The following STAT5B variants were observed in gnomAD, a reference collection of about 807,000 sequenced individuals.
STAT5B encodes the protein transcription factor STAT5B.
Under a neutral mutation model 107.8 loss-of-function variants are expected in STAT5B, and 21 were observed. That is an observed-to-expected ratio of 0.19 (90% CI 0.14 to 0.28). STAT5B has a LOEUF of 0.28. STAT5B is among the 10% of genes least tolerant of loss of function. STAT5B has a pLI of 1.00. For missense variants in STAT5B, 565 were observed against 1,008.2 expected, an observed-to-expected ratio of 0.56 and a Z score of 5.95; for synonymous variants, 325 against 401.7, an observed-to-expected ratio of 0.81 and a Z score of 2.28.
the STAT5B span, among the ~76,000 whole-genome samples, chr17:42,281,879 G>C: frequency 6.6e-6 from 1 of 152,252 alleles, no homozygotes; most frequent in Non-Finnish European, 1.5e-5. Flanking sequence ...CGGACGCAGA[G>C]GAGGGAGCAG....
intron 3 of STAT5B, among the ~76,000 whole-genome samples, chr17:42,226,971 CA>C (rs1244458785): frequency 5.6e-4 from 69 of 123,194 alleles, no homozygotes; most frequent in Middle Eastern, 3.9e-3. Flanking sequence ...CTAAAAATAC[CA>C]AAAAAAAAAA....
In STAT5B at chr17:42,201,524, GCACACACACACACACACA is replaced by G. The variant is rs57573850; in HGVS notation, c.*196_*213del. 3.2e-6 allele frequency: 2 copies of G among 617,318 alleles called. No individual in the cohort carries two copies. The highest frequency in any genetic ancestry group is 5.9e-6 in the Non-Finnish European group (2 of 339,252). 38.2% of individuals were successfully genotyped at this position (617,318 alleles called of 1,614,324 possible). ...GAGAAACACCATAACGTGCAAACAC[GCACACACACACACACACA>G]CACACACACACAAACACATACTCGC... is the stretch of plus-strand genomic sequence containing the variant. On this transcript the variant is annotated 3_prime_UTR_variant, in exon 19 of 19. Coordinates refer to ENST00000293328, the MANE Select transcript of STAT5B (RefSeq NM_012448.4).
intron 1 of STAT5B, among the ~76,000 whole-genome samples, chr17:42,238,589 G>A (rs1044198524): frequency 6.6e-6 from 1 of 151,546 alleles, no homozygotes; most frequent in African/African-American, 2.4e-5. Flanking sequence ...AAGCAGCTGG[G>A]ATTACAGCTG....
chr17:42,261,485 A>G (rs983864149), intron 1 of STAT5B, among the ~76,000 whole-genome samples: 25 of 152,230 alleles, frequency 1.6e-4, no homozygotes, highest in Admixed American at 1.6e-3. Flanking sequence ...GCTTAAAATA[A>G]AATTCTGTTA....
intron 5 of STAT5B, among the ~76,000 whole-genome samples, chr17:42,222,574 C>T (rs2080239342): frequency 6.6e-6 from 1 of 152,132 alleles, no homozygotes; most frequent in South Asian, 2.1e-4. Flanking sequence ...TAGGGTCTTA[C>T]TATGTTGCCT....
intron 1 of STAT5B, among the ~76,000 whole-genome samples, chr17:42,250,382 CCACCCACA>C (rs1255895895): frequency 6.6e-6 from 1 of 152,080 alleles, no homozygotes; most frequent in Non-Finnish European, 1.5e-5. Context: ...TTAAATTAAG[CCACCCACA>C]CACCCACACT....
At chr17:42,209,803 C>G (rs1448908649) in intron 15 of STAT5B, among the ~76,000 whole-genome samples, 1 of 152,162 alleles carries the variant, frequency 6.6e-6, no homozygotes, top group Non-Finnish European at 1.5e-5. Context: ...ACTGTAAGAA[C>G]TCCAAATCAT....
intron 1 of STAT5B, among the ~76,000 whole-genome samples, chr17:42,241,871 G>C (rs996462046): frequency 1.3e-5 from 2 of 152,092 alleles, no homozygotes; most frequent in African/African-American, 4.8e-5. Context: ...GTTAATACCA[G>C]AGCCATCTGC....
chr17:42,215,866 A>G (rs1001239028), intron 12 of STAT5B, 148 bp downstream of exon 12: 1 of 849,296 alleles, frequency 1.2e-6, no homozygotes, highest in African/African-American at 1.7e-5. Flanking sequence ...AGGTGATCCA[A>G]CCGCCTCGGC....
At chr17:42,281,092 C>G (rs541154217), upstream of STAT5B, among the ~76,000 whole-genome samples, 5 of 151,790 alleles carry the variant, frequency 3.3e-5, no homozygotes, top group Non-Finnish European at 5.9e-5. Context: ...AGAGATCGCG[C>G]CACTGCACTC....
At position 42,224,855 on chromosome 17, in the gene STAT5B, C is replaced by T. The variant is rs1475711023; in HGVS notation, c.299G>A (p.Arg100His). The change falls in exon 4 of 19, where the codon CGC becomes CAC. Residue 100 changes from arginine (R) to histidine (H), a missense_variant. Physicochemically the swap from Arg to His is conservative, Grantham distance 29 (BLOSUM62 0). This residue lies in a region of STAT5B where 83 missense variants were observed against 145.1 expected (regional missense o/e 0.57). Transcript: ENST00000293328. The stretch of plus-strand genomic sequence containing the variant: ...GCAGCGGACCAGCTCCATGGGGCAG[C>T]GGTCATACGTGTTCTGAAAGAATCC... ...YATQLQNTYDRCPMELVRCIR... is the reference protein window; with the variant it reads ...YATQLQNTYDHCPMELVRCIR... 3.1e-6 allele frequency: 5 copies of T among 1,613,330 alleles called. No individual in the cohort carries two copies. Among genetic ancestry groups the T allele is most frequent in the South Asian group, 1.1e-5 (1 of 91,068 alleles).
At chr17:42,210,109 T>G (rs2080116605) in intron 15 of STAT5B, 62 bp downstream of exon 15, 1 of 1,612,912 alleles carries the variant, frequency 6.2e-7, no homozygotes. Context: ...CTAAATTATT[T>G]GTTAAAATAA....
intron 2 of STAT5B, 24 bp downstream of exon 2, chr17:42,231,976 A>G: frequency 6.2e-7 from 1 of 1,613,480 alleles, no homozygotes. Flanking sequence ...ACAAAATATG[A>G]TGCAAACATC....
intron 1 of STAT5B, among the ~76,000 whole-genome samples, chr17:42,274,258 T>C (rs1218763112): frequency 1.5e-5 from 2 of 137,910 alleles, no homozygotes; most frequent in African/African-American, 2.8e-5. Context: ...AAATCAACTT[T>C]TTTTTTCTGA....
Position 42,216,046 on chromosome 17 carries a change from T to C in STAT5B, c.1441A>G (p.Thr481Ala). Reference protein sequence around the residue: ...HGSQDNNATATVLWDNAFAEP... With the variant: ...HGSQDNNATAAVLWDNAFAEP... ...GCAAAAGCATTGTCCCAGAGAACAGTGGCCGTCGCATTGTTGTCCTGGCTG... is the reference window on the plus strand; with the variant it reads ...GCAAAAGCATTGTCCCAGAGAACAGCGGCCGTCGCATTGTTGTCCTGGCTG... The change falls in exon 12 of 19, where the codon ACT (threonine) becomes GCT (alanine). Residue 481 changes from threonine (T) to alanine (A), a missense_variant. Around this residue, in one of 11 missense-constraint regions of STAT5B, gnomAD observed 127 missense variants for 215.8 expected, o/e 0.59. Transcript: ENST00000293328. 1 of 1,614,042 alleles carries C rather than the reference T, an allele frequency of 6.2e-7. No individual in the cohort carries two copies. Among genetic ancestry groups the C allele is most frequent in the Non-Finnish European group, 8.5e-7 (1 of 1,179,998 alleles).
In STAT5B at chr17:42,224,692, T is replaced by C. The variant is rs774666952; in HGVS notation, c.375+87A>G. ...TTAAAGAGACACCAATAGTGCACCCTGAGTCACCTTGACAAAGGTGGGTCC... is the reference window on the plus strand; with the variant it reads ...TTAAAGAGACACCAATAGTGCACCCCGAGTCACCTTGACAAAGGTGGGTCC... On this transcript the variant is annotated intron_variant, in intron 4 of 18. Coordinates refer to ENST00000293328, the MANE Select transcript of STAT5B (RefSeq NM_012448.4). 6.4e-5 allele frequency: 84 copies of C among 1,321,212 alleles called. No homozygotes were observed. The Admixed American group carries it at 1.5e-3, about 23-fold the overall frequency. The allele number at this position is 1,321,212 out of a possible 1,614,324, so 81.8% of individuals were successfully genotyped here. A position where few individuals can be genotyped will look rare whatever the true frequency, so the allele number is the denominator to read the frequency against.
rs756190780 is a variant in STAT5B at position 42,223,576 on chromosome 17, A to T, written c.376-20T>A. The T allele has an allele frequency of 3.7e-6, 6 of 1,612,356 alleles. No individual in the cohort carries two copies. ...GCTACCCTGGGAACATATGGGGGGC[A>T]GTGCAAGGCAGTGCGAATGGGAGGA... On this transcript the variant is annotated intron_variant, in intron 4 of 18. Coordinates refer to ENST00000293328, the MANE Select transcript of STAT5B (RefSeq NM_012448.4).
chr17:42,219,815 C>A lies in STAT5B; in HGVS notation c.578G>T (p.Ser193Ile). The A allele has an allele frequency of 6.2e-7, 1 of 1,614,122 alleles. No individual in the cohort carries two copies. ...CTCCCGGCTCAGACGCTCCTGGGGG[C>A]TCAGCTGGGCCAGCGGGCCAAACTG... is the stretch of plus-strand genomic sequence containing the variant. ...QAQFGPLAQL[S>I]PQERLSRETA... Residue 193 changes from serine (S) to isoleucine (I), a missense_variant, in exon 6 of 19, where the codon AGC becomes ATC. By Grantham distance (142) the Ser-to-Ile change is moderately radical. This residue lies in a region of STAT5B where 56 missense variants were observed against 104.5 expected (regional missense o/e 0.54). Transcript: ENST00000293328.
At chr17:42,283,989 G>A in the STAT5B span, among the ~76,000 whole-genome samples, 1 of 152,110 alleles carries the variant, frequency 6.6e-6, no homozygotes, top group East Asian at 1.9e-4. Flanking sequence ...GCCGCAGGGT[G>A]AAAAGATACT....
Sources: allele counts gnomAD v4.1 joint callset (sites outside exome capture counted in the v4.1 genomes callset), GRCh38; gene constraint gnomAD v4.1.1; regional missense constraint gnomAD v4.1.1; transcripts MANE v1.5; gene names NCBI Gene and HGNC (gene_info 2026-07-23, HGNC 2026-07-21).